Variants in TBC1D8B observed in about 807,000 individuals in gnomAD.
TBC1D8B encodes the protein TBC1 domain family member 8B.
In TBC1D8B, 75 loss-of-function variants were observed where a neutral mutation model predicts 82.9. The observed-to-expected ratio is 0.90, with a 90% confidence interval of 0.75 to 1.10. The LOEUF (loss-of-function observed/expected upper bound fraction) is 1.10. Ranked by LOEUF, TBC1D8B falls within the 50% of genes least tolerant of loss-of-function variation. The pLI is 0.00. For missense variants in TBC1D8B, 794 were observed against 796.9 expected (o/e 1.00, Z 0.04); for synonymous variants, 276 against 276.8 (o/e 1.00, Z 0.03).
In TBC1D8B at chrX:106,809,522, G is replaced by T. The variant is rs143024884; in HGVS notation, c.130+6539G>T. On this transcript the variant is annotated intron_variant, in intron 1 of 20. Transcript: ENST00000357242. ...TTTTCTAGAAGTTTTTTCTGTGAAG[G>T]GAAAGAGAGAAATAGGGTGGTAGCT... Among the ~76,000 whole-genome samples the T allele has an allele frequency of 8.4e-3, 926 of 110,805 alleles. 5 individuals are homozygous for T. The highest frequency in any genetic ancestry group is 0.013 in the Non-Finnish European group (689 of 52,989).
intron 16 of TBC1D8B, among the ~76,000 whole-genome samples, chrX:106,866,553 TG>T (rs1316589718): frequency 8.9e-6 from 1 of 111,990 alleles, no homozygotes; most frequent in African/African-American, 3.2e-5. Context: ...AATCTGAGAT[TG>T]GGGGGAAGGA....
intron 11 of TBC1D8B, among the ~76,000 whole-genome samples, chrX:106,848,741 C>T (rs950025274): frequency 1.8e-5 from 2 of 110,275 alleles, no homozygotes; most frequent in African/African-American, 3.3e-5. Flanking sequence ...AAAGAAGGAT[C>T]GAGTTCTTAG....
rs977372603 is a variant in TBC1D8B at position 106,827,194 on chromosome X, G to T, written c.1060G>T (p.Asp354Tyr). Reference protein sequence around the residue: ...REVLAIDKTNDSSKSVIISIK... With the variant: ...REVLAIDKTNYSSKSVIISIK... ...GGTCTTAGCTATAGATAAGACAAAT[G>T]ATTCCAGCAAATCTGTCATCATTAG... The change falls in exon 7 of 21, where the codon GAT becomes TAT. Residue 354 changes from aspartate to tyrosine, a missense_variant. Transcript: ENST00000357242. 2 of 1,209,237 alleles carry T rather than the reference G, an allele frequency of 1.7e-6. No individual in the cohort carries two copies. The highest frequency in any genetic ancestry group is 3.5e-5 in the African/African-American group (2 of 57,157).
At chrX:106,868,729 A>G (rs1413506847) in intron 18 of TBC1D8B, among the ~76,000 whole-genome samples, 1 of 112,036 alleles carries the variant, frequency 8.9e-6, no homozygotes, top group African/African-American at 3.2e-5. Flanking sequence ...ACGTTGCAGA[A>G]ATTTCTAAAA....
intron 6 of TBC1D8B, 88 bp downstream of exon 6, chrX:106,826,325 A>C (rs1205393386): frequency 8.1e-6 from 6 of 737,562 alleles, no homozygotes; most frequent in Non-Finnish European, 1.2e-5. Context: ...ATAAATTATT[A>C]AAACCTCAAG....
chrX:106,832,745 T>A (rs745499246), intron 7 of TBC1D8B, among the ~76,000 whole-genome samples: 31 of 111,734 alleles, frequency 2.8e-4, no homozygotes, highest in Non-Finnish European at 5.3e-4. Context: ...ATAGTTATTA[T>A]CTTAATAAGA....
intron 7 of TBC1D8B, among the ~76,000 whole-genome samples, chrX:106,836,688 C>T (rs1932184524): frequency 9.1e-6 from 1 of 109,420 alleles, no homozygotes; most frequent in Non-Finnish European, 1.9e-5. Context: ...CTTTGGTGTT[C>T]ATAAAGTTTT....
In TBC1D8B at chrX:106,862,788, T is replaced by G. The variant is rs776974871; in HGVS notation, c.2353-2771T>G. Among the ~76,000 whole-genome samples the G allele has an allele frequency of 8.3e-3, 789 of 95,633 alleles. 1 individual carries two copies. Among genetic ancestry groups the G allele is most frequent in the Non-Finnish European group, 0.013 (638 of 47,761 alleles). The allele number at this position is 95,633 out of a possible 115,157, so 83.0% of individuals were successfully genotyped here. On this transcript the variant is annotated intron_variant, in intron 14 of 20. Coordinates refer to ENST00000357242, the MANE Select transcript of TBC1D8B (RefSeq NM_017752.3). ...TGGGTTTTTTTTTGTTTTTTTTTTTTTTTTTTTTTTTTTTGCTTTTATCTT... is the reference window on the plus strand; with the variant it reads ...TGGGTTTTTTTTTGTTTTTTTTTTTGTTTTTTTTTTTTTTGCTTTTATCTT...
Position 106,831,251 on chromosome X carries a change from TAA to T in TBC1D8B, c.1203+3915_1203+3916del. ...AGAGTAGAGATTGAAAATAATATGC[TAA>T]GTCAATTATAATGCAGTATTGATAA... is the stretch of plus-strand genomic sequence containing the variant. On this transcript the variant is annotated intron_variant, in intron 7 of 20. Coordinates refer to ENST00000357242, the MANE Select transcript of TBC1D8B (RefSeq NM_017752.3). 2.7e-5 allele frequency among the ~76,000 whole-genome samples: 3 copies of T among 111,967 alleles called. No individual in the cohort carries two copies. In the Admixed American group the frequency reaches 2.9e-4, roughly 11 times the overall value.
chrX:106,813,327 A>G (rs1931434673), intron 1 of TBC1D8B, among the ~76,000 whole-genome samples: 1 of 112,096 alleles, frequency 8.9e-6, no homozygotes. Flanking sequence ...TTACAGCTTA[A>G]TGAGCTGGAA....
chrX:106,840,173 A>G lies in TBC1D8B; in HGVS notation c.1479A>G (p.Arg493=). 1 of 1,208,691 alleles carries G rather than the reference A, an allele frequency of 8.3e-7. No individual in the cohort carries two copies. Among genetic ancestry groups the G allele is most frequent in the Non-Finnish European group, 1.1e-6 (1 of 894,352 alleles). The change falls in exon 9 of 21, where the codon AGA becomes AGG. Residue 493 remains arginine, a synonymous_variant. Transcript: ENST00000357242. The part of the protein sequence containing the change: ...LVVRGIPETL[R]GELWMLFSGA... ...TAAGAGGGATTCCAGAAACATTAAG[A>G]GGAGAACTCTGGATGCTTTTTTCAG...
chrX:106,858,611 T>C (rs1932742053), intron 14 of TBC1D8B, among the ~76,000 whole-genome samples: 1 of 112,534 alleles, frequency 8.9e-6, no homozygotes, highest in African/African-American at 3.2e-5. Flanking sequence ...TTCTGGATAT[T>C]AGACCTTTGT....
intron 1 of TBC1D8B, among the ~76,000 whole-genome samples, chrX:106,808,848 A>C: frequency 8.9e-6 from 1 of 112,070 alleles, no homozygotes. Context: ...GCTTATGGCT[A>C]TAAGGTAAGC....
intron 14 of TBC1D8B, among the ~76,000 whole-genome samples, chrX:106,860,426 G>A (rs1176484021): frequency 2.9e-5 from 3 of 104,311 alleles, no homozygotes; most frequent in East Asian, 6.3e-4. Context: ...GTCTGTTCAG[G>A]GTTTCAATTT....
At chrX:106,811,197 T>G (rs1468865112) in intron 1 of TBC1D8B, among the ~76,000 whole-genome samples, 1 of 110,960 alleles carries the variant, frequency 9.0e-6, no homozygotes, top group Non-Finnish European at 1.9e-5. Context: ...TTTTTCCCCC[T>G]CCCTTACTAC....
chrX:106,848,679 CT>C (rs1932515129), intron 11 of TBC1D8B, among the ~76,000 whole-genome samples: 1 of 111,690 alleles, frequency 9.0e-6, no homozygotes, highest in African/African-American at 3.2e-5. Context: ...AGATTTCAAT[CT>C]GCTTAAAATC....
intron 14 of TBC1D8B, among the ~76,000 whole-genome samples, chrX:106,861,207 G>T (rs1297441619): frequency 9.0e-6 from 1 of 111,373 alleles, no homozygotes; most frequent in Non-Finnish European, 1.9e-5. Context: ...TGTTGTTTTG[G>T]GGGGAAAAGT....
At chrX:106,838,320 C>T (rs754651792) in intron 7 of TBC1D8B, among the ~76,000 whole-genome samples, 105 of 111,238 alleles carry the variant, frequency 9.4e-4, no homozygotes, top group Non-Finnish European at 1.7e-3. Context: ...TGGATCACCC[C>T]CTGAATCAGT....
chrX:106,857,456 G>A (rs1169911257), intron 14 of TBC1D8B, among the ~76,000 whole-genome samples: 2 of 111,671 alleles, frequency 1.8e-5, no homozygotes, highest in African/African-American at 6.5e-5. Flanking sequence ...CCAGCCGCAG[G>A]TTTGTTATAT....
Sources: allele counts gnomAD v4.1 joint callset (sites outside exome capture counted in the v4.1 genomes callset), GRCh38; gene constraint gnomAD v4.1.1; transcripts MANE v1.5; gene names NCBI Gene and HGNC (gene_info 2026-07-23, HGNC 2026-07-21).